The following ZNF765 variants were observed in gnomAD, a reference collection of about 807,000 sequenced individuals.
ZNF765 encodes zinc finger protein 765.
In ZNF765, 37 loss-of-function variants were observed where a neutral mutation model predicts 44.7. The ratio of observed to expected loss-of-function variants is 0.83; its 90% confidence interval spans 0.64 to 1.09. The LOEUF (loss-of-function observed/expected upper bound fraction) is 1.09, where lower values mean the gene tolerates loss of function less well. ZNF765 is among the 50% of genes least tolerant of loss of function. The pLI is 0.00. For synonymous variants in ZNF765, 201 were observed against 213.7 expected (o/e 0.94, Z 0.52); for missense variants, 594 against 626.1 (o/e 0.95, Z 0.55).
rs1351944721 is a variant in ZNF765, at chr19:53,406,869, C to T, written c.143-829C>T. ...GGTGGAGGTTGCAGTGAGCTGAGATCGGGCCATTGAACTCCAGGCGGTTGT... is the reference window on the plus strand; with the variant it reads ...GGTGGAGGTTGCAGTGAGCTGAGATTGGGCCATTGAACTCCAGGCGGTTGT... On this transcript the variant is annotated intron_variant, in intron 3 of 3. Coordinates refer to ENST00000396408, the MANE Select transcript of ZNF765 (RefSeq NM_001040185.3). 9.9e-5 allele frequency among the ~76,000 whole-genome samples: 15 copies of T among 152,158 alleles called. No homozygotes were observed. In the Middle Eastern group the frequency reaches 0.01, roughly 104 times the overall value.
intron 2 of ZNF765, among the ~76,000 whole-genome samples, chr19:53,399,923 T>A (rs1600048376): frequency 6.6e-6 from 1 of 152,142 alleles, no homozygotes; most frequent in African/African-American, 2.4e-5. Flanking sequence ...CAAGTGATTC[T>A]CCTGCCTCAG....
downstream of ZNF765, among the ~76,000 whole-genome samples, chr19:53,415,957 T>TTGTTTG (rs2085872523): frequency 2.0e-5 from 3 of 151,502 alleles, no homozygotes; most frequent in South Asian, 2.1e-4. Context: ...TGTTTTGTTT[T>TTGTTTG]TTGTTTTTTG....
chr19:53,415,681 T>G (rs2085870747), downstream of ZNF765, among the ~76,000 whole-genome samples: 1 of 152,314 alleles, frequency 6.6e-6, no homozygotes, highest in East Asian at 1.9e-4. Flanking sequence ...GTACTCTGTC[T>G]AGTCTCACCA....
At chr19:53,404,548 G>C (rs1359736265) in intron 3 of ZNF765, among the ~76,000 whole-genome samples, 2 of 151,988 alleles carry the variant, frequency 1.3e-5, no homozygotes, top group Non-Finnish European at 2.9e-5. Flanking sequence ...TGCCTCCCAG[G>C]TTCAAGTGAT....
intron 2 of ZNF765, 75 bp downstream of exon 2, chr19:53,398,105 T>C (rs1220929525): frequency 1.9e-6 from 3 of 1,611,586 alleles, no homozygotes. Context: ...TGGAATCTTC[T>C]CTGAGTCTGA....
Position 53,407,832 on chromosome 19 carries a change from G to A in ZNF765, c.277G>A (p.Asp93Asn), listed in dbSNP as rs1420711687. ...GDFCFQDIDKDIHDIEFQWQE... is the reference protein window; with the variant it reads ...GDFCFQDIDKNIHDIEFQWQE... ...TTTTTGTTTCCAGGATATTGATAAAGATATTCATGACATTGAGTTTCAGTG... is the reference window on the plus strand; with the variant it reads ...TTTTTGTTTCCAGGATATTGATAAAAATATTCATGACATTGAGTTTCAGTG... The change falls in exon 4 of 4, where the codon GAT becomes AAT. Residue 93 changes from aspartate to asparagine, a missense_variant. Physicochemically the swap from Asp to Asn is conservative, Grantham distance 23 (BLOSUM62 1). Transcript: ENST00000396408. 1 of 1,613,464 alleles carries A rather than the reference G, an allele frequency of 6.2e-7. No homozygotes were observed. Among genetic ancestry groups the A allele is most frequent in the East Asian group, 2.2e-5 (1 of 44,864 alleles).
At chr19:53,401,618 A>G (rs1481891543) in intron 2 of ZNF765, among the ~76,000 whole-genome samples, 1 of 151,996 alleles carries the variant, frequency 6.6e-6, no homozygotes, top group Admixed American at 6.6e-5. Context: ...TGGATCATGC[A>G]TGTAATTCCA....
In ZNF765 at chr19:53,408,419, C is replaced by G; in HGVS notation, c.864C>G (p.Cys288Trp). 1 of 1,613,914 alleles carries G rather than the reference C, an allele frequency of 6.2e-7. No homozygotes were observed. The highest frequency in any genetic ancestry group is 1.1e-5 in the South Asian group (1 of 91,048). Residue 288 changes from cysteine to tryptophan, a missense_variant, in exon 4 of 4, where the codon TGC becomes TGG. By Grantham distance (215) the Cys-to-Trp change is radical. This residue lies in a region of ZNF765 where 567 missense variants were observed against 572.6 expected (regional missense o/e 0.99). Transcript: ENST00000396408. ...TCAGTCAGACATATTACCTAACATG[C>G]CATCGTAGACTTCATACTGGAGAGA... ...KTFSQTYYLTCHRRLHTGEKP... is the reference protein window; with the variant it reads ...KTFSQTYYLTWHRRLHTGEKP...
Position 53,409,171 on chromosome 19 carries a change from C to A in ZNF765, c.*44C>A. 2 of 1,489,306 alleles carry A rather than the reference C, an allele frequency of 1.3e-6. No individual in the cohort carries two copies. The highest frequency in any genetic ancestry group is 1.9e-6 in the Non-Finnish European group (2 of 1,068,626). 92.3% of individuals were successfully genotyped at this position (1,489,306 alleles called of 1,614,324 possible). On this transcript the variant is annotated 3_prime_UTR_variant, in exon 4 of 4. Transcript: ENST00000396408. ...CAATCAGGAGTTAACCCTTACATGC[C>A]ATCGTAGGCTTCATAGTGGAGAGAA...
At chr19:53,401,002 C>T (rs10406071) in intron 2 of ZNF765, among the ~76,000 whole-genome samples, 27,310 of 151,048 alleles carry the variant, frequency 0.18, 2,863 homozygotes, top group East Asian at 0.34. Flanking sequence ...CTCGCTAATT[C>T]GCTAATTTTT....
intron 1 of ZNF765, among the ~76,000 whole-genome samples, chr19:53,396,865 T>C (rs1327365749): frequency 6.6e-6 from 1 of 152,270 alleles, no homozygotes; most frequent in Non-Finnish European, 1.5e-5. Context: ...GGATTCTTCA[T>C]GAAAGAGCAG....
intron 2 of ZNF765, among the ~76,000 whole-genome samples, chr19:53,400,352 G>A (rs1600048859): frequency 6.6e-6 from 1 of 152,128 alleles, no homozygotes; most frequent in East Asian, 1.9e-4. Flanking sequence ...TATAAAGAGT[G>A]CCATAGTGGC....
chr19:53,401,117 C>G (rs1007124237), intron 2 of ZNF765, among the ~76,000 whole-genome samples: 23 of 152,002 alleles, frequency 1.5e-4, no homozygotes, highest in African/African-American at 5.6e-4. Flanking sequence ...TCTCCTGCAT[C>G]AGCCTCCCAG....
intron 3 of ZNF765, among the ~76,000 whole-genome samples, chr19:53,403,321 T>G (rs1319193756): frequency 6.6e-6 from 1 of 152,238 alleles, no homozygotes; most frequent in Non-Finnish European, 1.5e-5. Context: ...GGAGAAGACC[T>G]TACCCTTGTG....
At chr19:53,405,603 A>G (rs534803333) in intron 3 of ZNF765, among the ~76,000 whole-genome samples, 27 of 150,758 alleles carry the variant, frequency 1.8e-4, no homozygotes, top group Admixed American at 2.7e-4. Flanking sequence ...GGAACAGGCA[A>G]CGAGCTCTTT....
chr19:53,401,868 T>A, intron 2 of ZNF765, 197 bp from the exon 3 acceptor site: 2 of 1,376,160 alleles, frequency 1.5e-6, no homozygotes, highest in Non-Finnish European at 9.8e-7. Flanking sequence ...AGAGTGAGAC[T>A]CCACCTTTAA....
In ZNF765 at chr19:53,411,699, CTA is replaced by C. The variant is rs1355848057; in HGVS notation, c.*2574_*2575del. The C allele has an allele frequency of 1.3e-5, 2 of 152,230 alleles. No homozygotes were observed. Among genetic ancestry groups the C allele is most frequent in the Non-Finnish European group, 2.9e-5 (2 of 68,094 alleles). 9.4% of individuals were successfully genotyped at this position (152,230 alleles called of 1,614,324 possible). A position where few individuals can be genotyped will look rare whatever the true frequency, so the allele number is the denominator to read the frequency against. On this transcript the variant is annotated 3_prime_UTR_variant, in exon 4 of 4. Transcript: ENST00000396408. ...CAAACCATAAGTATGGGTTGTAGCT[CTA>C]TGTTTCTAATCATTTTGATCAATGT...
exon 4 of ZNF765, chr19:53,427,074 G>A (rs1171384864): frequency 7.5e-6 from 1 of 134,128 alleles, no homozygotes; most frequent in South Asian, 2.4e-4. Context: ...AAGTCTGTCT[G>A]TCTGTCTCAC....
chr19:53,407,732 G>A lies in ZNF765; in HGVS notation c.177G>A (p.Ser59=), dbSNP rs771661973. Residue 59 remains serine (S), a synonymous_variant, in exon 4 of 4, where the codon TCG becomes TCA. Transcript: ENST00000396408. ...CCAAATGCATGATGAAGGAGTTCTC[G>A]TCAACAGCACAAGGCAATAGAGAAG... ...ISSKCMMKEF[S]STAQGNREVF... The A allele has an allele frequency of 7.7e-6, 12 of 1,567,876 alleles. No homozygotes were observed. The highest frequency in any genetic ancestry group is 3.9e-5 in the Admixed American group (2 of 51,626).
Sources: gnomAD v4.1 joint callset for allele counts (sites outside exome capture counted in the v4.1 genomes callset) on GRCh38, gnomAD v4.1.1 for gene constraint, gnomAD v4.1.1 regional missense constraint, MANE v1.5 for transcripts, NCBI Gene and HGNC (gene_info 2026-07-23, HGNC 2026-07-21) for gene names.